COL14A1: variants seen among roughly 807,000 people sequenced by gnomAD.
COL14A1 encodes collagen type XIV alpha 1 chain, also known as collagen alpha-1(XIV) chain.
COL14A1 carries 136 observed loss-of-function variants against 230.3 expected under a neutral mutation model. That is an observed-to-expected ratio of 0.59 (90% CI 0.51 to 0.68). COL14A1 has a LOEUF of 0.68. Among genes scored for constraint, COL14A1 ranks in the 30% least tolerant of loss-of-function variants. COL14A1 has a pLI of 0.00. For synonymous variants in COL14A1, 792 were observed against 784.1 expected (o/e 1.01, Z -0.17); for missense variants, 1,976 against 2,215.8 (o/e 0.89, Z 2.17).
At chr8:120,341,410 C>T (rs778247549) in intron 43 of COL14A1, 50 bp downstream of exon 43, 3 of 1,581,938 alleles carry the variant, frequency 1.9e-6, no homozygotes, top group African/African-American at 2.7e-5. Context: ...TGCACCCCTT[C>T]CATTGCATAA....
chr8:120,315,729 C>A, intron 39 of COL14A1, 143 bp downstream of exon 39: 1 of 803,886 alleles, frequency 1.2e-6, no homozygotes, highest in Admixed American at 2.5e-5. Flanking sequence ...TTACCCTAAG[C>A]CCCTTTTGAG....
chr8:120,365,109 A>AT (rs1158707242), intron 45 of COL14A1, among the ~76,000 whole-genome samples: 1 of 152,060 alleles, frequency 6.6e-6, no homozygotes, highest in Non-Finnish European at 1.5e-5. Flanking sequence ...TAATGAGAAA[A>AT]TTAAAACAAC....
In COL14A1 at chr8:120,227,329, T is replaced by C; in HGVS notation, c.2114T>C (p.Val705Ala). 1 of 1,613,700 alleles carries C rather than the reference T, an allele frequency of 6.2e-7. No individual in the cohort carries two copies. The highest frequency in any genetic ancestry group is 2.2e-5 in the East Asian group (1 of 44,862). ...AVLDDGSESE[V>A]VTAVGTTLDS... Reference sequence around the variant, plus strand: ...CTTGATGATGGAAGCGAGAGTGAGGTGGTGACTGCTGTCGGGACCACACGT... The same window carrying C: ...CTTGATGATGGAAGCGAGAGTGAGGCGGTGACTGCTGTCGGGACCACACGT... Residue 705 changes from valine to alanine, a missense_variant, in exon 17 of 48, where the codon GTG (valine) becomes GCG (alanine). By Grantham distance (64) the Val-to-Ala change is moderately conservative. Coordinates refer to ENST00000297848, the MANE Select transcript of COL14A1 (RefSeq NM_021110.4).
intron 45 of COL14A1, among the ~76,000 whole-genome samples, chr8:120,354,653 A>G (rs890321416): frequency 1.3e-5 from 2 of 152,014 alleles, no homozygotes; most frequent in Non-Finnish European, 2.9e-5. Context: ...CTTTTTCGTA[A>G]GTTTGTGTGG....
chr8:120,343,296 G>A (rs905496920), intron 44 of COL14A1, among the ~76,000 whole-genome samples: 39 of 152,124 alleles, frequency 2.6e-4, no homozygotes, highest in Non-Finnish European at 4.4e-5. Flanking sequence ...CCCAGCTCTC[G>A]CCTAGCTCTG....
intron 15 of COL14A1, 48 bp downstream of exon 15, chr8:120,225,262 T>C (rs1652991187): frequency 6.4e-6 from 10 of 1,571,812 alleles, no homozygotes; most frequent in Non-Finnish European, 7.8e-6. Context: ...TAGCTATTAA[T>C]ATATAGAAAC....
intron 13 of COL14A1, chr8:120,213,904 CT>C (rs71571669): frequency 5.6e-5 from 23 of 412,694 alleles, no homozygotes; most frequent in African/African-American, 2.9e-4. Flanking sequence ...AATTATATTG[CT>C]TTTTTTTCTT....
intron 34 of COL14A1, among the ~76,000 whole-genome samples, chr8:120,293,446 G>T (rs1053810167): frequency 4.1e-5 from 6 of 144,958 alleles, no homozygotes; most frequent in African/African-American, 1.0e-4. Flanking sequence ...TTACATCTCT[G>T]CTAGGAGCTA....
At chr8:120,337,031 G>T (rs2130242618) in intron 42 of COL14A1, among the ~76,000 whole-genome samples, 1 of 152,202 alleles carries the variant, frequency 6.6e-6, no homozygotes, top group Admixed American at 6.5e-5. Flanking sequence ...TCATATTCTT[G>T]TGCAGAGTCC....
intron 5 of COL14A1, among the ~76,000 whole-genome samples, chr8:120,181,175 TG>T (rs148243468): frequency 0.036 from 5,465 of 152,280 alleles, 334 homozygotes; most frequent in African/African-American, 0.12. Context: ...CTGAGATATC[TG>T]GATTGAGAAT....
intron 44 of COL14A1, among the ~76,000 whole-genome samples, chr8:120,343,588 A>T (rs1822390342): frequency 6.6e-6 from 1 of 152,220 alleles, no homozygotes; most frequent in South Asian, 2.1e-4. Context: ...CAAGAGGAGT[A>T]TGAAGATACC....
intron 45 of COL14A1, among the ~76,000 whole-genome samples, chr8:120,362,923 TTA>T (rs1366334810): frequency 6.6e-6 from 1 of 152,190 alleles, no homozygotes; most frequent in Non-Finnish European, 1.5e-5. Flanking sequence ...TAGATCTAAT[TTA>T]TATGAGCTGT....
intron 10 of COL14A1, among the ~76,000 whole-genome samples, chr8:120,207,444 C>T (rs1246432365): frequency 6.6e-6 from 1 of 152,106 alleles, no homozygotes; most frequent in African/African-American, 2.4e-5. Flanking sequence ...TGGGAGTGGT[C>T]TGAGCTTTCT....
At chr8:120,292,624 C>T (rs1820407090) in intron 34 of COL14A1, among the ~76,000 whole-genome samples, 1 of 152,032 alleles carries the variant, frequency 6.6e-6, no homozygotes, top group Admixed American at 6.6e-5. Flanking sequence ...CACAGACTGC[C>T]AATCTAACCT....
At chr8:120,282,411 C>T (rs1820067306) in intron 31 of COL14A1, among the ~76,000 whole-genome samples, 1 of 152,164 alleles carries the variant, frequency 6.6e-6, no homozygotes, top group Admixed American at 6.6e-5. Flanking sequence ...CTAGATATTC[C>T]TTAATCCGGT....
At chr8:120,300,998 C>G (rs1309285174) in intron 36 of COL14A1, among the ~76,000 whole-genome samples, 180 bp downstream of exon 36, 2 of 152,076 alleles carry the variant, frequency 1.3e-5, no homozygotes, top group African/African-American at 2.4e-5. Flanking sequence ...AGGAGCTGGG[C>G]TGGGCTTCAA....
At chr8:120,360,638 C>A (rs6469918) in intron 45 of COL14A1, among the ~76,000 whole-genome samples, 63,619 of 152,062 alleles carry the variant, frequency 0.42, 13,309 homozygotes, top group African/African-American at 0.45. Flanking sequence ...CCCACAGGTG[C>A]CTCAGTTCTG....
intron 36 of COL14A1, among the ~76,000 whole-genome samples, chr8:120,305,820 T>G: frequency 6.6e-6 from 1 of 152,200 alleles, no homozygotes; most frequent in East Asian, 1.9e-4. Context: ...GAAAGTATAC[T>G]CTGTAGCTTT....
intron 42 of COL14A1, among the ~76,000 whole-genome samples, chr8:120,336,163 T>C (rs1018463438): frequency 1.3e-5 from 2 of 152,214 alleles, no homozygotes; most frequent in Admixed American, 6.5e-5. Flanking sequence ...GAGAGAATGA[T>C]GTTTTTATAT....
Sources: allele counts gnomAD v4.1 joint callset (sites outside exome capture counted in the v4.1 genomes callset), GRCh38; gene constraint gnomAD v4.1.1; transcripts MANE v1.5; gene names NCBI Gene and HGNC (gene_info 2026-07-23, HGNC 2026-07-21).